CCDC171: variants seen among roughly 807,000 people sequenced by gnomAD.
CCDC171 encodes coiled-coil domain containing 171, also known as coiled-coil domain-containing protein 171.
CCDC171 carries 177 observed loss-of-function variants against 168.2 expected under a neutral mutation model. That is an observed-to-expected ratio of 1.05 (90% confidence interval 0.93 to 1.19). CCDC171 has a LOEUF of 1.19. Among genes scored for constraint, CCDC171 ranks in the 50% most tolerant of loss-of-function variants. CCDC171 has a pLI of 0.00. For missense variants in CCDC171, 1,991 were observed against 1,539.0 expected (o/e 1.29, Z -4.91); for synonymous variants, 687 against 540.8 (o/e 1.27, Z -3.75).
At chr9:15,597,102 T>G (rs1359519645) in intron 6 of CCDC171, among the ~76,000 whole-genome samples, 1 of 152,106 alleles carries the variant, frequency 6.6e-6, no homozygotes, top group African/African-American at 2.4e-5. Context: ...CAGGGACAAT[T>G]TGACTTCCTC....
chr9:15,645,763 A>G (rs1042002573), intron 7 of CCDC171, among the ~76,000 whole-genome samples: 1 of 152,336 alleles, frequency 6.6e-6, no homozygotes, highest in Non-Finnish European at 1.5e-5. Flanking sequence ...GACCACATCT[A>G]CGTCTGATTG....
Position 15,724,727 on chromosome 9 carries a change from C to G in CCDC171, c.1492-49C>G, listed in dbSNP as rs762081235. ...TGTTTTATACTAGTGTCCCCTCACC[C>G]CTTGTTGGCTGGCCTTTCTACAATC... On this transcript the variant is annotated intron_variant, in intron 13 of 25. Transcript: ENST00000380701. The G allele has an allele frequency of 7.0e-6, 9 of 1,288,348 alleles. No individual in the cohort carries two copies. In the East Asian group the frequency reaches 9.3e-5, roughly 13 times the overall value. 79.8% of individuals were successfully genotyped at this position (1,288,348 alleles called of 1,614,324 possible). A position where few individuals can be genotyped will look rare whatever the true frequency, so the allele number is the denominator to read the frequency against.
chr9:15,616,194 TG>T (rs1188305653), intron 6 of CCDC171, among the ~76,000 whole-genome samples: 3 of 152,014 alleles, frequency 2.0e-5, no homozygotes, highest in Non-Finnish European at 4.4e-5. Context: ...TCAAGTGATC[TG>T]CCCCCTTTGG....
chr9:16,093,552 AAAG>A, the CCDC171 span, among the ~76,000 whole-genome samples: 23 of 152,232 alleles, frequency 1.5e-4, no homozygotes, highest in Non-Finnish European at 2.8e-4. Context: ...TCCAGTGAAG[AAAG>A]AAGGAGAAAA....
At chr9:15,580,719 A>G (rs1027845083) in intron 4 of CCDC171, among the ~76,000 whole-genome samples, 8 of 152,208 alleles carry the variant, frequency 5.3e-5, no homozygotes, top group African/African-American at 1.9e-4. Context: ...TAATTTAAAA[A>G]TAAAAAAATA....
chr9:15,684,856 T>G (rs1487509031), intron 10 of CCDC171, among the ~76,000 whole-genome samples: 1 of 152,236 alleles, frequency 6.6e-6, no homozygotes, highest in Non-Finnish European at 1.5e-5. Context: ...CTGAACTTTC[T>G]TTGAATATTT....
At chr9:15,716,628 G>A (rs1332472807) in intron 11 of CCDC171, among the ~76,000 whole-genome samples, 5 of 152,136 alleles carry the variant, frequency 3.3e-5, no homozygotes, top group African/African-American at 1.2e-4. Flanking sequence ...AGTTCTGGAG[G>A]CTGGGAAATC....
chr9:15,612,725 A>T (rs767828731), intron 6 of CCDC171, among the ~76,000 whole-genome samples: 6 of 152,044 alleles, frequency 3.9e-5, no homozygotes, highest in Non-Finnish European at 8.8e-5. Context: ...TTACTTTTGA[A>T]TAGTTTGCAT....
chr9:15,638,990 G>A (rs1032119851), intron 7 of CCDC171, among the ~76,000 whole-genome samples: 2 of 152,040 alleles, frequency 1.3e-5, no homozygotes, highest in African/African-American at 2.4e-5. Flanking sequence ...GAAGATTATG[G>A]TAGAGAGAGA....
chr9:15,654,702 G>T (rs1031264882), intron 7 of CCDC171, among the ~76,000 whole-genome samples: 2 of 152,154 alleles, frequency 1.3e-5, no homozygotes, highest in African/African-American at 4.8e-5. Context: ...AACAGCTCCA[G>T]TCTATAGCTC....
chr9:15,699,854 G>A (rs1430695281), intron 11 of CCDC171, among the ~76,000 whole-genome samples: 5 of 152,152 alleles, frequency 3.3e-5, no homozygotes, highest in African/African-American at 1.2e-4. Flanking sequence ...CTAGACACAG[G>A]GTGCTGATTG....
intron 6 of CCDC171, among the ~76,000 whole-genome samples, chr9:16,023,771 C>T (rs751203124): frequency 1.3e-5 from 2 of 151,852 alleles, no homozygotes; most frequent in African/African-American, 2.4e-5. Context: ...AGGAATTCAA[C>T]TGGTCACTGT....
rs1328294007 is a variant in CCDC171 at position 15,929,419 on chromosome 9, T to C, written c.3753+8997T>C. Among the ~76,000 whole-genome samples the C allele has an allele frequency of 2.0e-5, 3 of 151,684 alleles. No homozygotes were observed. The Admixed American group carries it at 2.0e-4, about 10-fold the overall frequency. On this transcript the variant is annotated intron_variant, in intron 25 of 25. Transcript: ENST00000380701. ...TGCAAAAGCCTGAAATTCACTGAGGTCCCAAACTGAACACTTTTTTCAACA... is the reference window on the plus strand; with the variant it reads ...TGCAAAAGCCTGAAATTCACTGAGGCCCCAAACTGAACACTTTTTTCAACA...
chr9:15,801,454 A>C (rs1227406930), intron 21 of CCDC171, among the ~76,000 whole-genome samples: 1 of 151,966 alleles, frequency 6.6e-6, no homozygotes, highest in Non-Finnish European at 1.5e-5. Flanking sequence ...CTGAATTTTG[A>C]ATGCTGATTT....
intron 2 of CCDC171, among the ~76,000 whole-genome samples, 180 bp downstream of exon 2, chr9:15,564,309 CT>C (rs1293207484): frequency 6.6e-6 from 1 of 152,180 alleles, no homozygotes; most frequent in African/African-American, 2.4e-5. Flanking sequence ...ATTCTAGAGA[CT>C]TTATGGGGAT....
chr9:15,709,563 A>T (rs1255418739), intron 11 of CCDC171, among the ~76,000 whole-genome samples: 1 of 152,200 alleles, frequency 6.6e-6, no homozygotes, highest in African/African-American at 2.4e-5. Flanking sequence ...ATAATTCAAA[A>T]ATACTTGTTT....
chr9:15,749,343 A>G (rs1381106697), intron 18 of CCDC171, among the ~76,000 whole-genome samples: 1 of 152,206 alleles, frequency 6.6e-6, no homozygotes, highest in African/African-American at 2.4e-5. Flanking sequence ...AGACCTACAA[A>G]GAGACTTAGA....
chr9:16,072,816 C>T, the CCDC171 span, among the ~76,000 whole-genome samples: 2 of 152,298 alleles, frequency 1.3e-5, no homozygotes, highest in African/African-American at 4.8e-5. Flanking sequence ...CTGAGATACC[C>T]TAGCCCCCTG....
At chr9:15,557,460 C>A (rs968887846) in intron 1 of CCDC171, among the ~76,000 whole-genome samples, 1 of 152,014 alleles carries the variant, frequency 6.6e-6, no homozygotes, top group African/African-American at 2.4e-5. Context: ...CCTTCACTTC[C>A]TTTGTAAGTT....
Sources: gnomAD v4.1 joint callset for allele counts (sites outside exome capture counted in the v4.1 genomes callset) on GRCh38, gnomAD v4.1.1 for gene constraint, MANE v1.5 for transcripts, NCBI Gene and HGNC (gene_info 2026-07-23, HGNC 2026-07-21) for gene names.